Variants in PDE7B observed in about 807,000 individuals in gnomAD.
PDE7B encodes phosphodiesterase 7B, also known as 3',5'-cyclic-AMP phosphodiesterase 7B.
Under a neutral mutation model 56.2 loss-of-function variants are expected in PDE7B, and 29 were observed. The ratio of observed to expected loss-of-function variants is 0.52; its 90% CI spans 0.38 to 0.70. The LOEUF (loss-of-function observed/expected upper bound fraction) is 0.70, where lower values mean the gene tolerates loss of function less well. Ranked by LOEUF, PDE7B falls within the 30% of genes least tolerant of loss-of-function variation. The pLI is 0.00. For missense variants in PDE7B, 490 were observed against 565.0 expected, an observed-to-expected ratio of 0.87 and a Z score of 1.35; for synonymous variants, 197 against 196.9, an observed-to-expected ratio of 1.00 and a Z score of 0.00.
chr6:136,105,452 C>T (rs1389575675), intron 2 of PDE7B, among the ~76,000 whole-genome samples: 2 of 152,144 alleles, frequency 1.3e-5, no homozygotes, highest in African/African-American at 4.8e-5. Context: ...ATCAAATTTC[C>T]ATTAGCTTTG....
At chr6:135,852,759 A>G (rs971648701) in intron 1 of PDE7B, among the ~76,000 whole-genome samples, 3 of 152,216 alleles carry the variant, frequency 2.0e-5, no homozygotes, top group Non-Finnish European at 4.4e-5. Context: ...CTTTTCCTAC[A>G]ATAGTTGAAA....
intron 1 of PDE7B, among the ~76,000 whole-genome samples, chr6:135,882,991 A>C (rs1775637336): frequency 6.6e-6 from 1 of 152,214 alleles, no homozygotes; most frequent in South Asian, 2.1e-4. Flanking sequence ...ACATCAAAAC[A>C]CAAATCTCCT....
At chr6:135,983,088 T>G (rs1228545420) in intron 2 of PDE7B, among the ~76,000 whole-genome samples, 1 of 152,124 alleles carries the variant, frequency 6.6e-6, no homozygotes, top group African/African-American at 2.4e-5. Context: ...TTTACAAAAA[T>G]AAAAATGCCA....
chr6:136,186,936 C>T, intron 11 of PDE7B, 100 bp from the exon 12 acceptor site: 1 of 724,552 alleles, frequency 1.4e-6, no homozygotes, highest in South Asian at 1.6e-5. Context: ...ACAGTAATTC[C>T]CAGAATAACT....
Position 136,192,134 on chromosome 6 carries a change from T to C in PDE7B, c.*294T>C, listed in dbSNP as rs1369614328. 1 of 439,348 alleles carries C rather than the reference T, an allele frequency of 2.3e-6. No homozygotes were observed. Among genetic ancestry groups the C allele is most frequent in the African/African-American group, 2.0e-5 (1 of 50,322 alleles). The allele number at this position is 439,348 out of a possible 1,614,324, so 27.2% of individuals were successfully genotyped here. On this transcript the variant is annotated 3_prime_UTR_variant, in exon 13 of 13. Transcript: ENST00000308191. The stretch of plus-strand genomic sequence containing the variant: ...GAGAAGACTAGGAGGAAGAATGAGG[T>C]GCTCCTGCCGTGTCCGCCTTGTTCC...
intron 2 of PDE7B, among the ~76,000 whole-genome samples, chr6:136,009,810 C>G (rs576594625): frequency 6.6e-5 from 10 of 152,062 alleles, no homozygotes; most frequent in Admixed American, 1.3e-4. Flanking sequence ...CTTTTCCTAA[C>G]TGAATAAATT....
chr6:136,096,424 C>G (rs1477786826), intron 2 of PDE7B: 2 of 149,004 alleles, frequency 1.3e-5, no homozygotes, highest in African/African-American at 4.9e-5. Context: ...GGTATTTTAT[C>G]TTACTAGTTA....
intron 8 of PDE7B, among the ~76,000 whole-genome samples, chr6:136,163,190 A>G (rs1778737821): frequency 6.6e-6 from 1 of 152,224 alleles, no homozygotes; most frequent in African/African-American, 2.4e-5. Flanking sequence ...TTCTGCCCCT[A>G]CAGAAACTCA....
At chr6:136,066,984 T>A (rs1299616937) in intron 2 of PDE7B, among the ~76,000 whole-genome samples, 1 of 151,780 alleles carries the variant, frequency 6.6e-6, no homozygotes, top group Non-Finnish European at 1.5e-5. Context: ...GCCTCCCAAG[T>A]AGATGGAACC....
chr6:136,024,538 G>T (rs1466755285), intron 2 of PDE7B, among the ~76,000 whole-genome samples: 1 of 151,822 alleles, frequency 6.6e-6, no homozygotes, highest in Non-Finnish European at 1.5e-5. Context: ...TGGTTCCACT[G>T]ATGGCACCTA....
chr6:135,899,214 T>C (rs1282321349), intron 1 of PDE7B, among the ~76,000 whole-genome samples: 1 of 152,134 alleles, frequency 6.6e-6, no homozygotes, highest in Admixed American at 6.6e-5. Context: ...TTACCCAGTC[T>C]CAGGTAAGTC....
At chr6:136,076,996 T>C (rs1331978312) in intron 2 of PDE7B, among the ~76,000 whole-genome samples, 1 of 151,560 alleles carries the variant, frequency 6.6e-6, no homozygotes, top group East Asian at 1.9e-4. Context: ...ATACACCATA[T>C]GCGGGTATGC....
At chr6:135,885,503 T>C (rs923883125) in intron 1 of PDE7B, among the ~76,000 whole-genome samples, 2 of 152,180 alleles carry the variant, frequency 1.3e-5, no homozygotes, top group East Asian at 1.9e-4. Context: ...TCTCCATTTA[T>C]AAACAGTTCT....
chr6:135,968,888 A>G (rs1775044482), intron 2 of PDE7B, among the ~76,000 whole-genome samples: 1 of 152,180 alleles, frequency 6.6e-6, no homozygotes, highest in Admixed American at 6.6e-5. Context: ...AATCAACCCA[A>G]ATGTCAATCA....
chr6:136,149,909 C>T (rs1038714546), intron 5 of PDE7B, among the ~76,000 whole-genome samples: 2 of 152,006 alleles, frequency 1.3e-5, no homozygotes, highest in Admixed American at 6.6e-5. Context: ...CCTAAGACCA[C>T]GAAATGGACC....
chr6:136,010,185 G>T (rs1395613323), intron 2 of PDE7B, among the ~76,000 whole-genome samples: 1 of 152,106 alleles, frequency 6.6e-6, no homozygotes, highest in Non-Finnish European at 1.5e-5. Context: ...AGTCATTCAA[G>T]AGCATGTTGT....
chr6:135,855,232 T>C (rs992828730), intron 1 of PDE7B, among the ~76,000 whole-genome samples: 9 of 152,236 alleles, frequency 5.9e-5, no homozygotes, highest in African/African-American at 2.2e-4. Flanking sequence ...CATTTACATG[T>C]AAATGTAGAA....
At chr6:135,935,202 A>ATTTT (rs1554268045) in intron 1 of PDE7B, among the ~76,000 whole-genome samples, 1 of 57,052 alleles carries the variant, frequency 1.8e-5, no homozygotes, top group East Asian at 8.4e-4. Context: ...ATATATATAT[A>ATTTT]TATATATATA....
chr6:136,137,122 G>A (rs750679689), intron 3 of PDE7B, among the ~76,000 whole-genome samples: 32 of 151,974 alleles, frequency 2.1e-4, no homozygotes, highest in Non-Finnish European at 3.8e-4. Flanking sequence ...GGGTGTAGTG[G>A]TACATATGTA....
Sources: gnomAD v4.1 joint callset for allele counts (sites outside exome capture counted in the v4.1 genomes callset) on GRCh38, gnomAD v4.1.1 for gene constraint, MANE v1.5 for transcripts, NCBI Gene and HGNC (gene_info 2026-07-23, HGNC 2026-07-21) for gene names.